Variants in DHRS7C observed in about 807,000 individuals in gnomAD.
DHRS7C encodes dehydrogenase/reductase SDR family member 7C.
In DHRS7C, 28 loss-of-function variants were observed where a neutral mutation model predicts 29.6. The ratio of observed to expected loss-of-function variants is 0.95; its 90% confidence interval spans 0.70 to 1.30. The LOEUF is 1.30. Among genes scored for constraint, DHRS7C ranks in the 50% most tolerant of loss-of-function variants. DHRS7C has a pLI of 0.00. For synonymous variants in DHRS7C, 158 were observed against 160.2 expected (o/e 0.99, Z 0.10); for missense variants, 403 against 393.3 (o/e 1.02, Z -0.21).
At chr17:9,778,575 G>A (rs905699540) in intron 3 of DHRS7C, among the ~76,000 whole-genome samples, 9 of 152,264 alleles carry the variant, frequency 5.9e-5, no homozygotes, top group East Asian at 1.9e-4. Flanking sequence ...TGAAGTCTCC[G>A]TTAAAGGTTG....
Position 9,791,441 on chromosome 17 carries a change from TC to T in DHRS7C, c.-158del. The T allele has an allele frequency of 1.3e-6, 1 of 772,824 alleles. No individual in the cohort carries two copies. The highest frequency in any genetic ancestry group is 2.1e-5 in the South Asian group (1 of 46,924). The allele number at this position is 772,824 out of a possible 1,614,324, so 47.9% of individuals were successfully genotyped here. A position where few individuals can be genotyped will look rare whatever the true frequency, so the allele number is the denominator to read the frequency against. ...AGTGGGCGTGCTAATCCCCAAATGT[TC>T]AACAAATAGGAAGTTACTCACAGTG... On this transcript the variant is annotated 5_prime_UTR_variant, in exon 1 of 6. Transcript: ENST00000571134.
intron 4 of DHRS7C, among the ~76,000 whole-genome samples, chr17:9,776,106 G>A (rs1393175576): frequency 1.3e-5 from 2 of 152,232 alleles, no homozygotes; most frequent in Non-Finnish European, 2.9e-5. Context: ...AGGAGGCTGA[G>A]GCAGAAGAAT....
At chr17:9,771,796 G>T in intron 5 of DHRS7C, 100 bp from the exon 6 acceptor site, 1 of 1,195,446 alleles carries the variant, frequency 8.4e-7, no homozygotes, top group South Asian at 2.8e-5. Flanking sequence ...GGAAGCGTGG[G>T]CTGTCCCCGG....
chr17:9,786,485 C>T (rs2066424906), intron 1 of DHRS7C, among the ~76,000 whole-genome samples: 1 of 151,846 alleles, frequency 6.6e-6, no homozygotes, highest in Non-Finnish European at 1.5e-5. Context: ...CATGCTCGCT[C>T]ATGACTGGTT....
chr17:9,783,936 GTT>G (rs11409360), intron 1 of DHRS7C, among the ~76,000 whole-genome samples: 1 of 145,782 alleles, frequency 6.9e-6, no homozygotes, highest in Non-Finnish European at 1.5e-5. Flanking sequence ...GTGAGACTCT[GTT>G]TTTTTTTTGT....
Position 9,774,117 on chromosome 17 carries a change from T to C in DHRS7C, c.572-1195A>G, listed in dbSNP as rs1490682215. Among the ~76,000 whole-genome samples, 1 of 152,228 alleles carries C rather than the reference T, an allele frequency of 6.6e-6. No homozygotes were observed. The highest frequency in any genetic ancestry group is 1.5e-5 in the Non-Finnish European group (1 of 68,036). On this transcript the variant is annotated intron_variant, in intron 4 of 5. Transcript: ENST00000571134. This position sits in a 1 kb window ranked among gnomAD's most constrained non-coding sequence, Gnocchi z 5.0. ...AAAAGGTCTACCAGCTTGTTTTTCA[T>C]TCATCCACCATCTCCTTGATTCCTT...
At chr17:9,786,194 G>A (rs1274777528) in intron 1 of DHRS7C, among the ~76,000 whole-genome samples, 1 of 151,978 alleles carries the variant, frequency 6.6e-6, no homozygotes, top group African/African-American at 2.4e-5. Flanking sequence ...GGGCATGGTG[G>A]CAGGTGCCTG....
intron 1 of DHRS7C, among the ~76,000 whole-genome samples, chr17:9,788,606 T>A (rs1197331460): frequency 1.3e-5 from 2 of 152,178 alleles, no homozygotes; most frequent in Non-Finnish European, 2.9e-5. Flanking sequence ...GATGCCCCAG[T>A]CTTTGTCTGT....
chr17:9,771,597 TTGGCC>T lies in DHRS7C; in HGVS notation c.822_826del (p.Met274IlefsTer?). ...GTACACGGCGGCCTTGGGGATGGGG[TTGGCC>T]ATAAACACCTCTTGCTTCTTCCTCC... is the stretch of plus-strand genomic sequence containing the variant. On this transcript the variant is annotated frameshift_variant, in exon 6 of 6. Coordinates refer to ENST00000571134, the MANE Select transcript of DHRS7C (RefSeq NM_001105571.3). LOFTEE classifies it high-confidence loss of function. 6.3e-7 allele frequency: 1 copy of T among 1,599,064 alleles called. No homozygotes were observed. Among genetic ancestry groups the T allele is most frequent in the Admixed American group, 1.7e-5 (1 of 58,380 alleles).
At chr17:9,781,617 G>A (rs902144187) in intron 1 of DHRS7C, 23 bp from the exon 2 acceptor site, 1 of 1,610,030 alleles carries the variant, frequency 6.2e-7, no homozygotes, top group African/African-American at 1.3e-5. Context: ...AGGAAACAGG[G>A]CAGGGCACAC....
At chr17:9,782,272 C>T (rs12603394) in intron 1 of DHRS7C, among the ~76,000 whole-genome samples, 1 of 152,196 alleles carries the variant, frequency 6.6e-6, no homozygotes, top group Non-Finnish European at 1.5e-5. Context: ...TCATTTAATA[C>T]TCACAATAAC....
rs1284637145 is a variant in DHRS7C at position 9,774,680 on chromosome 17, TGAGCCTCA to T, written c.572-1766_572-1759del. On this transcript the variant is annotated intron_variant, in intron 4 of 5. Coordinates refer to ENST00000571134, the MANE Select transcript of DHRS7C (RefSeq NM_001105571.3). The surrounding 1 kb of genome is among the most constrained non-coding windows in gnomAD (Gnocchi z 5.0). ...CCTTTCAAGTCTGTGTGCCAGGTTC[TGAGCCTCA>T]GAGCCCCCATCTCCTTGCCTGGGTG... 6.6e-6 allele frequency among the ~76,000 whole-genome samples: 1 copy of T among 152,220 alleles called. No homozygotes were observed. The highest frequency in any genetic ancestry group is 1.5e-5 in the Non-Finnish European group (1 of 68,042).
At chr17:9,784,433 C>A (rs1399078705) in intron 1 of DHRS7C, among the ~76,000 whole-genome samples, 1 of 152,090 alleles carries the variant, frequency 6.6e-6, no homozygotes, top group African/African-American at 2.4e-5. Context: ...GATTGCGCCA[C>A]TGCACTCCAG....
intron 5 of DHRS7C, 39 bp downstream of exon 5, chr17:9,772,728 G>T: frequency 1.7e-5 from 27 of 1,608,850 alleles, no homozygotes; most frequent in Non-Finnish European, 2.2e-5. Context: ...GACTGTTCCC[G>T]AGGCCCCCAG....
At chr17:9,790,999 G>A in intron 1 of DHRS7C, 132 bp downstream of exon 1, 1 of 1,113,570 alleles carries the variant, frequency 9.0e-7, no homozygotes, top group Non-Finnish European at 1.2e-6. Context: ...ATAGAAGCTG[G>A]GAGAGAACAC....
At chr17:9,777,398 T>G in intron 3 of DHRS7C, 113 bp from the exon 4 acceptor site, 3 of 702,130 alleles carry the variant, frequency 4.3e-6, no homozygotes, top group East Asian at 5.6e-5. Context: ...ACCTCCGCGG[T>G]AACTAGATTG....
chr17:9,788,764 C>T (rs2066438496), intron 1 of DHRS7C, among the ~76,000 whole-genome samples: 1 of 152,230 alleles, frequency 6.6e-6, no homozygotes, highest in Non-Finnish European at 1.5e-5. Context: ...GGACTTAAGA[C>T]ATGCAGCAAT....
intron 1 of DHRS7C, among the ~76,000 whole-genome samples, chr17:9,783,227 C>G (rs948293470): frequency 3.3e-5 from 5 of 152,080 alleles, no homozygotes; most frequent in African/African-American, 1.2e-4. Flanking sequence ...GAGGGAAACC[C>G]GAATCCAGAA....
intron 1 of DHRS7C, 39 bp downstream of exon 1, chr17:9,791,092 G>A (rs774245990): frequency 1.3e-6 from 2 of 1,580,326 alleles, no homozygotes; most frequent in Admixed American, 3.5e-5. Flanking sequence ...CAGTCCCTGG[G>A]GGCAGAAATG....
Sources: allele counts gnomAD v4.1 joint callset (sites outside exome capture counted in the v4.1 genomes callset), GRCh38; gene constraint gnomAD v4.1.1; non-coding constraint Gnocchi (gnomAD v3.1); transcripts MANE v1.5; gene names NCBI Gene and HGNC (gene_info 2026-07-23, HGNC 2026-07-21).